Variants in SLC35E2B observed in about 807,000 individuals in gnomAD.
The protein encoded by SLC35E2B is solute carrier family 35 member E2B.
In SLC35E2B, 18 loss-of-function variants were observed where a neutral mutation model predicts 32.4. The ratio of observed to expected loss-of-function variants is 0.56; its 90% CI spans 0.38 to 0.82. The LOEUF (loss-of-function observed/expected upper bound fraction) is 0.82. Ranked by LOEUF, SLC35E2B falls within the 40% of genes least tolerant of loss-of-function variation. SLC35E2B has a pLI of 0.00. For missense variants in SLC35E2B, 263 were observed against 469.5 expected (o/e 0.56, Z 4.06); for synonymous variants, 132 against 209.1 (o/e 0.63, Z 3.18).
intron 2 of SLC35E2B, among the ~76,000 whole-genome samples, chr1:1,687,081 A>T (rs1570347042): frequency 6.6e-6 from 1 of 152,046 alleles, no homozygotes; most frequent in East Asian, 1.9e-4. Context: ...AATAAATAAA[A>T]AGAAGAAAGA....
rs149075179 is a variant in SLC35E2B at position 1,663,789 on chromosome 1, A to C, written c.*1993T>G. ...CAGTCTTCTATTAGTTTTTGAGGAA[A>C]GCAGAAAAAAAGAAATGGAAATCCG... On this transcript the variant is annotated 3_prime_UTR_variant, in exon 10 of 10. Transcript: ENST00000617444. 731 of 885,038 alleles carry C rather than the reference A, an allele frequency of 8.3e-4. 26 individuals carry two copies. In the African/African-American group the frequency reaches 0.012, roughly 15 times the overall value. The allele number at this position is 885,038 out of a possible 1,614,324, so 54.8% of individuals were successfully genotyped here.
At chr1:1,685,111 A>G (rs577893616) in intron 2 of SLC35E2B, among the ~76,000 whole-genome samples, 1 of 149,674 alleles carries the variant, frequency 6.7e-6, no homozygotes, top group Non-Finnish European at 1.5e-5. Flanking sequence ...TCCGTCTCAA[A>G]AAAAAAAAAA....
chr1:1,663,931 C>T lies in SLC35E2B; in HGVS notation c.*1851G>A, dbSNP rs1195981926. On this transcript the variant is annotated 3_prime_UTR_variant, in exon 10 of 10. Transcript: ENST00000617444. ...CTGAAGCAGGTGTAGTAGCCCACGCCTATATTCTCGACACTACAGGAGGCT... is the reference window on the plus strand; with the variant it reads ...CTGAAGCAGGTGTAGTAGCCCACGCTTATATTCTCGACACTACAGGAGGCT... 1 of 620,402 alleles carries T rather than the reference C, an allele frequency of 1.6e-6. No homozygotes were observed. Among genetic ancestry groups the T allele is most frequent in the African/African-American group, 1.9e-5 (1 of 53,410 alleles). The allele number at this position is 620,402 out of a possible 1,614,324, so 38.4% of individuals were successfully genotyped here.
intron 2 of SLC35E2B, among the ~76,000 whole-genome samples, chr1:1,683,016 G>A (rs912848452): frequency 1.3e-5 from 2 of 152,016 alleles, no homozygotes; most frequent in Non-Finnish European, 2.9e-5. Flanking sequence ...GGTGGAAATC[G>A]CAGTGAGCCG....
In SLC35E2B at chr1:1,665,535, T is replaced by C. The variant is rs4074020; in HGVS notation, c.*247A>G. On this transcript the variant is annotated 3_prime_UTR_variant, in exon 10 of 10. Transcript: ENST00000617444. The stretch of plus-strand genomic sequence containing the variant: ...GGGAGCCTCAGAGGCTGTTTTCACA[T>C]TACACGGGGATGGGCTCGGCGGACA... The C allele has an allele frequency of 0.066, 40,942 of 618,810 alleles. 3,337 individuals carry two copies. The highest frequency in any genetic ancestry group is 0.35 in the East Asian group (12,261 of 35,306). The allele number at this position is 618,810 out of a possible 1,614,324, so 38.3% of individuals were successfully genotyped here. A position where few individuals can be genotyped will look rare whatever the true frequency, so the allele number is the denominator to read the frequency against.
intron 2 of SLC35E2B, among the ~76,000 whole-genome samples, chr1:1,677,512 C>G (rs1360925292): frequency 1.4e-5 from 2 of 146,338 alleles, no homozygotes; most frequent in African/African-American, 5.1e-5. Context: ...GAGTATTGCT[C>G]TGTCGCCCAG....
Position 1,692,693 on chromosome 1 carries a change from C to T in SLC35E2B, c.-810G>A, listed in dbSNP as rs1262136849. On this transcript the variant is annotated 5_prime_UTR_variant, in exon 1 of 10. Transcript: ENST00000617444. ...CCCTGCATCGGGCTCCTCGCTGCCC[C>T]GCGGGCGCCGCTCCTCAGTGCCCCA... 1 of 983,496 alleles carries T rather than the reference C, an allele frequency of 1.0e-6. No homozygotes were observed. Among genetic ancestry groups the T allele is most frequent in the African/African-American group, 1.8e-5 (1 of 56,880 alleles). 60.9% of individuals were successfully genotyped at this position (983,496 alleles called of 1,614,324 possible). A position where few individuals can be genotyped will look rare whatever the true frequency, so the allele number is the denominator to read the frequency against.
intron 7 of SLC35E2B, 64 bp from the exon 8 acceptor site, chr1:1,669,800 C>G: frequency 6.6e-7 from 1 of 1,508,126 alleles, no homozygotes; most frequent in Non-Finnish European, 9.0e-7. Context: ...ACGCAGCTCC[C>G]TCACAGCAAG....
At chr1:1,670,224 C>T (rs1643651356) in intron 6 of SLC35E2B, 73 bp from the exon 7 acceptor site, 5 of 1,121,630 alleles carry the variant, frequency 4.5e-6, no homozygotes, top group Middle Eastern at 1.9e-4. Context: ...AAGGTGTCTG[C>T]GCTCACACGG....
intron 7 of SLC35E2B, 115 bp from the exon 8 acceptor site, chr1:1,669,851 T>C (rs1317653320): frequency 9.0e-7 from 1 of 1,107,558 alleles, no homozygotes; most frequent in South Asian, 1.3e-5. Flanking sequence ...TCATTCTCTC[T>C]AGACAGGACT....
intron 6 of SLC35E2B, chr1:1,670,684 G>A (rs1232271810): frequency 6.5e-6 from 1 of 153,216 alleles, no homozygotes; most frequent in Non-Finnish European, 1.5e-5. Context: ...GCCTCCCAAA[G>A]TGCTGGGATT....
chr1:1,681,419 G>A (rs189992758), intron 2 of SLC35E2B, among the ~76,000 whole-genome samples: 8 of 151,414 alleles, frequency 5.3e-5, no homozygotes, highest in African/African-American at 9.7e-5. Flanking sequence ...ATGTTACCCA[G>A]GATGGTCTCG....
intron 9 of SLC35E2B, among the ~76,000 whole-genome samples, chr1:1,667,285 C>T (rs1314512785): frequency 1.3e-5 from 2 of 151,418 alleles, no homozygotes; most frequent in African/African-American, 2.4e-5. Context: ...TGGTGGCAGT[C>T]GCCTGTAGTC....
At chr1:1,680,041 C>G (rs183602961) in intron 2 of SLC35E2B, among the ~76,000 whole-genome samples, 1 of 151,838 alleles carries the variant, frequency 6.6e-6, no homozygotes, top group Non-Finnish European at 1.5e-5. Flanking sequence ...GCAGGAGAAT[C>G]GCTTGAACCC....
chr1:1,680,042 G>A lies in SLC35E2B; in HGVS notation c.-147-3196C>T, dbSNP rs541387102. ...CTCAGGAGGCTGAGGCAGGAGAATC[G>A]CTTGAACCCGGGAGGCGGAGGTTGC... On this transcript the variant is annotated intron_variant, in intron 2 of 9. Transcript: ENST00000617444. 1.8e-4 allele frequency among the ~76,000 whole-genome samples: 27 copies of A among 151,878 alleles called. 1 individual carries two copies. Among genetic ancestry groups the A allele is most frequent in the Middle Eastern group, 6.8e-3 (2 of 294 alleles).
chr1:1,672,484 T>G (rs1643723225), intron 5 of SLC35E2B: 1 of 152,198 alleles, frequency 6.6e-6, no homozygotes, highest in Admixed American at 6.5e-5. Flanking sequence ...TCGTCTGCCG[T>G]CACCTGGTCT....
At chr1:1,679,500 T>C (rs929064122) in intron 2 of SLC35E2B, among the ~76,000 whole-genome samples, 1 of 152,086 alleles carries the variant, frequency 6.6e-6, no homozygotes, top group Non-Finnish European at 1.5e-5. Flanking sequence ...AAATCACACT[T>C]CACTGACGCT....
At chr1:1,679,797 A>G (rs1035298818) in intron 2 of SLC35E2B, among the ~76,000 whole-genome samples, 4 of 141,374 alleles carry the variant, frequency 2.8e-5, no homozygotes, top group Non-Finnish European at 6.0e-5. Flanking sequence ...GCGCCATTGC[A>G]CCCCAGCCTG....
chr1:1,668,544 A>G, intron 8 of SLC35E2B, 72 bp from the exon 9 acceptor site: 2 of 1,613,164 alleles, frequency 1.2e-6, no homozygotes, highest in Non-Finnish European at 1.7e-6. Context: ...AAAAACGCCC[A>G]GCGCCACTCC....
Sources: allele counts gnomAD v4.1 joint callset (sites outside exome capture counted in the v4.1 genomes callset), GRCh38; gene constraint gnomAD v4.1.1; transcripts MANE v1.5; gene names NCBI Gene and HGNC (gene_info 2026-07-23, HGNC 2026-07-21).